NME5: variants seen among roughly 807,000 people sequenced by gnomAD.
NME5 encodes NME/NM23 family member 5, also known as nucleoside diphosphate kinase 5.
NME5 carries 18 observed loss-of-function variants against 21.6 expected under a neutral mutation model. The observed-to-expected ratio is 0.83, with a 90% confidence interval of 0.58 to 1.24. The LOEUF (loss-of-function observed/expected upper bound fraction) is 1.24, where lower values mean the gene tolerates loss of function less well. Among genes scored for constraint, NME5 ranks in the 50% most tolerant of loss-of-function variants. NME5 has a pLI of 0.00. For missense variants in NME5, 223 were observed against 255.4 expected (o/e 0.87, Z 0.86); for synonymous variants, 70 against 80.6 (o/e 0.87, Z 0.71).
chr5:138,119,062 C>A (rs1032207203), intron 4 of NME5, 126 bp from the exon 5 acceptor site: 9 of 575,152 alleles, frequency 1.6e-5, no homozygotes, highest in Non-Finnish European at 2.7e-5. Flanking sequence ...TGGAGTCTTA[C>A]TCTGTTGCCT....
intron 2 of NME5, among the ~76,000 whole-genome samples, chr5:138,131,304 C>T (rs914006675): frequency 1.3e-5 from 2 of 151,594 alleles, no homozygotes; most frequent in Non-Finnish European, 2.9e-5. Flanking sequence ...TCACTTGAAC[C>T]CGGGAGGCAG....
chr5:138,120,230 C>CTTTTTTTT (rs59354099), intron 4 of NME5, among the ~76,000 whole-genome samples: 2 of 87,146 alleles, frequency 2.3e-5, no homozygotes, highest in East Asian at 3.4e-4. Context: ...GCTCCCAGCT[C>CTTTTTTTT]TTTTTTTTTT....
At chr5:138,137,070 G>A (rs1429452562) in intron 2 of NME5, among the ~76,000 whole-genome samples, 1 of 150,538 alleles carries the variant, frequency 6.6e-6, no homozygotes, top group East Asian at 1.9e-4. Flanking sequence ...GAACTTACAT[G>A]GTTTAATTTT....
At chr5:138,123,985 CTTTTTTTTTT>C (rs70979583) in intron 4 of NME5, among the ~76,000 whole-genome samples, 13 of 37,250 alleles carry the variant, frequency 3.5e-4, no homozygotes, top group South Asian at 1.7e-3. Context: ...ATTTTGAGCA[CTTTTTTTTTT>C]TTTTTTTTTT....
intron 2 of NME5, among the ~76,000 whole-genome samples, chr5:138,136,156 T>C (rs987066516): frequency 6.6e-6 from 1 of 152,242 alleles, no homozygotes. Context: ...TATATATCAC[T>C]TCATATTAAT....
At chr5:138,120,022 G>A (rs879279749) in intron 4 of NME5, among the ~76,000 whole-genome samples, 2 of 151,180 alleles carry the variant, frequency 1.3e-5, no homozygotes, top group African/African-American at 4.9e-5. Context: ...CTGCAGCCTC[G>A]AACTCCTGGG....
At chr5:138,128,617 C>T (rs1239615059) in intron 3 of NME5, 38 bp from the exon 4 acceptor site, 7 of 1,426,702 alleles carry the variant, frequency 4.9e-6, no homozygotes, top group South Asian at 2.4e-5. Flanking sequence ...TCCAATCTAA[C>T]GTCTATTCCT....
intron 4 of NME5, among the ~76,000 whole-genome samples, chr5:138,123,878 GC>G (rs1347067382): frequency 6.6e-6 from 1 of 150,788 alleles, no homozygotes; most frequent in African/African-American, 2.4e-5. Context: ...CTATATGCTT[GC>G]CAATATTTAC....
In NME5 at chr5:138,129,345, C is replaced by T; in HGVS notation, c.253G>A (p.Ala85Thr). The T allele has an allele frequency of 6.2e-7, 1 of 1,614,004 alleles. No homozygotes were observed. The highest frequency in any genetic ancestry group is 8.5e-7 in the Non-Finnish European group (1 of 1,179,920). The change falls in exon 3 of 6, where the codon GCT becomes ACT. Residue 85 changes from alanine to threonine, a missense_variant. Physicochemically the swap from Ala to Thr is moderately conservative, Grantham distance 58 (BLOSUM62 0). Coordinates refer to ENST00000265191, the MANE Select transcript of NME5 (RefSeq NM_003551.3). ...CAATAAGAGATGGCTTTATGTCTAG[C>T]TAATATCATGGCGACAAGTGGTCCA... ...SSGPLVAMILARHKAISYWLE... is the reference protein window; with the variant it reads ...SSGPLVAMILTRHKAISYWLE...
intron 2 of NME5, among the ~76,000 whole-genome samples, chr5:138,134,303 G>A (rs1478218182): frequency 6.6e-6 from 1 of 151,560 alleles, no homozygotes; most frequent in South Asian, 2.1e-4. Context: ...GAGTGCAGTG[G>A]TGAAATCTCA....
chr5:138,126,717 G>A (rs575782908), intron 4 of NME5, among the ~76,000 whole-genome samples: 1 of 151,988 alleles, frequency 6.6e-6, no homozygotes, highest in Non-Finnish European at 1.5e-5. Context: ...GGAGGTAGAG[G>A]CAGCAGTATT....
At position 138,115,771 on chromosome 5, in the gene NME5, G is replaced by GA. The variant is rs756534793; in HGVS notation, c.556-8dup. Reference sequence around the variant, plus strand: ...GCCAATCAGCTAGCCAAATCTATGGGAAAAAAAAAAACAACCTAAGTTAAG... The same window carrying GA: ...GCCAATCAGCTAGCCAAATCTATGGGAAAAAAAAAAAACAACCTAAGTTAAG... On this transcript the variant is annotated splice_region_variant and splice_polypyrimidine_tract_variant and intron_variant, in intron 5 of 5. Coordinates refer to ENST00000265191, the MANE Select transcript of NME5 (RefSeq NM_003551.3). 54,618 of 1,110,674 alleles carry GA rather than the reference G, an allele frequency of 0.049. 1 individual carries two copies. The highest frequency in any genetic ancestry group is 0.074 in the South Asian group (4,054 of 54,674). The allele number at this position is 1,110,674 out of a possible 1,614,324, so 68.8% of individuals were successfully genotyped here.
At chr5:138,118,669 C>A in intron 5 of NME5, 149 bp downstream of exon 5, 1 of 475,790 alleles carries the variant, frequency 2.1e-6, no homozygotes, top group South Asian at 2.3e-5. Flanking sequence ...ATTTTTAGTA[C>A]AGACGGGGTT....
chr5:138,137,467 G>A (rs1049253968), intron 2 of NME5, among the ~76,000 whole-genome samples: 5 of 151,760 alleles, frequency 3.3e-5, no homozygotes, highest in South Asian at 2.1e-4. Flanking sequence ...ACAGGTGCAC[G>A]CCACCACGCC....
chr5:138,125,983 G>A (rs1196364173), intron 4 of NME5, among the ~76,000 whole-genome samples: 4 of 152,116 alleles, frequency 2.6e-5, no homozygotes, highest in African/African-American at 7.2e-5. Context: ...GTGAATCATC[G>A]TATAAAGTTT....
At position 138,118,897 on chromosome 5, in the gene NME5, T is replaced by TC; in HGVS notation, c.475dup (p.Asp159GlyfsTer13). 5 of 1,613,324 alleles carry TC rather than the reference T, an allele frequency of 3.1e-6. No homozygotes were observed. Among genetic ancestry groups the TC allele is most frequent in the Non-Finnish European group, 4.2e-6 (5 of 1,179,286 alleles). ...TGGCATTATATGTAAATTTAAATAG[T>TC]CCTTAGCAGCTTGTCCAATTGGAAT... On this transcript the variant is annotated frameshift_variant, in exon 5 of 6. Transcript: ENST00000265191. LOFTEE classifies it high-confidence loss of function.
intron 4 of NME5, among the ~76,000 whole-genome samples, chr5:138,122,441 T>TAAAAAAAAAAAAAAAAAAAAAAAAAAAA (rs70979581): frequency 2.0e-4 from 7 of 34,462 alleles, no homozygotes; most frequent in Admixed American, 9.4e-4. Flanking sequence ...ACTCTGTCTC[T>TAAAAAAAAAAAAAAAAAAAAAAAAAAAA]AAAAAAAAAA....
At chr5:138,136,033 T>A (rs573706497) in intron 2 of NME5, among the ~76,000 whole-genome samples, 32 of 152,244 alleles carry the variant, frequency 2.1e-4, no homozygotes, top group Non-Finnish European at 4.1e-4. Context: ...TTGCATATTA[T>A]GCAATTTGAT....
chr5:138,125,616 TTTTTC>T (rs1274638909), intron 4 of NME5, among the ~76,000 whole-genome samples: 5 of 152,042 alleles, frequency 3.3e-5, no homozygotes, highest in Non-Finnish European at 5.9e-5. Flanking sequence ...GAGCATTACT[TTTTTC>T]TTTTCTTTTC....
Sources: gnomAD v4.1 joint callset for allele counts (sites outside exome capture counted in the v4.1 genomes callset) on GRCh38, gnomAD v4.1.1 for gene constraint, MANE v1.5 for transcripts, NCBI Gene and HGNC (gene_info 2026-07-23, HGNC 2026-07-21) for gene names.